HNF1A: variants seen among roughly 807,000 people sequenced by gnomAD.
HNF1A encodes the protein HNF1 homeobox A.
HNF1A carries 21 observed loss-of-function variants against 62.2 expected under a neutral mutation model. That is an observed-to-expected ratio of 0.34 (90% CI 0.24 to 0.49). The LOEUF is 0.49. Ranked by LOEUF, HNF1A falls within the 20% of genes least tolerant of loss-of-function variation. The probability of loss-of-function intolerance (pLI) is 0.99; values close to 1 mark genes in which losing one functional copy is unlikely to be tolerated. For missense variants in HNF1A, 687 were observed against 832.3 expected (o/e 0.83, Z 2.15); for synonymous variants, 374 against 366.8 (o/e 1.02, Z -0.22).
chr12:120,993,423 C>A (rs1593058046), intron 2 of HNF1A, 97 bp from the exon 3 acceptor site: 3 of 1,238,384 alleles, frequency 2.4e-6, no homozygotes, highest in Middle Eastern at 2.5e-4. Context: ...TGGTTCAGCG[C>A]CATGGCAATG....
At chr12:120,994,531 C>T (rs1286069283) in intron 4 of HNF1A, 126 bp downstream of exon 4, 2 of 1,037,322 alleles carry the variant, frequency 1.9e-6, no homozygotes, top group African/African-American at 3.2e-5. Context: ...CATGCCACTC[C>T]TTATCACTCT....
At position 120,996,589 on chromosome 12, in the gene HNF1A, C is replaced by T. The variant is rs1877114403; in HGVS notation, c.1156C>T (p.Leu386=). Residue 386 remains leucine, a synonymous_variant, in exon 6 of 10, where the codon CTG becomes TTG. Coordinates refer to ENST00000257555, the MANE Select transcript of HNF1A (RefSeq NM_000545.8). The surrounding 1 kb of genome is among the most constrained non-coding windows in gnomAD (Gnocchi z 4.5). The stretch of plus-strand genomic sequence containing the variant: ...CCCCCCTGTCAGCACCCTGACAGCA[C>T]TGCACAGCTTGGAGCAGACATCCCC... ...PLPPVSTLTA[L]HSLEQTSPGL... is the part of the protein sequence containing the mutation. 1.2e-6 allele frequency: 2 copies of T among 1,614,074 alleles called. No homozygotes were observed. The highest frequency in any genetic ancestry group is 2.2e-5 in the East Asian group (1 of 44,876).
rs1375433039 is a variant in HNF1A, at chr12:120,987,473, T to C, written c.327-1360T>C. On this transcript the variant is annotated intron_variant, in intron 1 of 9. Transcript: ENST00000257555. ...CTGGGTGACAGAGTGAGACTCCATC[T>C]CAAAAAAAAAAAAAAAAAAGAAAAA... Among the ~76,000 whole-genome samples, 29 of 92,842 alleles carry C rather than the reference T, an allele frequency of 3.1e-4. No homozygotes were observed. In the East Asian group the frequency reaches 7.7e-3, roughly 25 times the overall value. 60.9% of individuals were successfully genotyped at this position (92,842 alleles called of 152,430 possible).
chr12:120,994,450 GT>G, intron 4 of HNF1A, 45 bp downstream of exon 4: 1 of 1,561,768 alleles, frequency 6.4e-7, no homozygotes, highest in Non-Finnish European at 8.7e-7. Flanking sequence ...AGGTGGGAGG[GT>G]TGGGGAGGAC....
chr12:120,996,961 C>A lies in HNF1A; in HGVS notation c.1309+219C>A. On this transcript the variant is annotated intron_variant, in intron 6 of 9. Transcript: ENST00000257555. The surrounding 1 kb of genome is among the most constrained non-coding windows in gnomAD (Gnocchi z 4.5). ...CTCAAGCAGGGAGGCAGGCACTAAG[C>A]ATAATACATCAATTCTGTGGTACCT... 1 of 1,496,014 alleles carries A rather than the reference C, an allele frequency of 6.7e-7. No individual in the cohort carries two copies. Among genetic ancestry groups the A allele is most frequent in the Non-Finnish European group, 9.1e-7 (1 of 1,100,464 alleles). The allele number at this position is 1,496,014 out of a possible 1,614,324, so 92.7% of individuals were successfully genotyped here.
At chr12:120,990,671 T>TAGGAAAGGGAGGAAAGGGAGGAAAGGG (rs1288436741) in intron 2 of HNF1A, among the ~76,000 whole-genome samples, 2 of 99,116 alleles carry the variant, frequency 2.0e-5, no homozygotes, top group African/African-American at 9.2e-5. Flanking sequence ...GGAGGAAAGG[T>TAGGAAAGGGAGGAAAGGGAGGAAAGGG]AGGAAAGGGA....
chr12:120,988,948 CT>C lies in HNF1A; in HGVS notation c.443del (p.Leu148ProfsTer7). 1 of 1,614,246 alleles carries C rather than the reference CT, an allele frequency of 6.2e-7. No individual in the cohort carries two copies. The highest frequency in any genetic ancestry group is 1.3e-5 in the African/African-American group (1 of 75,074). On this transcript the variant is annotated frameshift_variant, in exon 2 of 10. Transcript: ENST00000257555. LOFTEE classifies it high-confidence loss of function. ...GLNQSHLSQH[L>X]NKGTPMKTQK... ...CAACCAGTCCCACCTGTCCCAACAC[CT>C]CAACAAGGGCACTCCCATGAAGACG...
At chr12:120,999,683 G>A (rs1381973558) in intron 9 of HNF1A, 56 bp downstream of exon 9, 44 of 1,570,950 alleles carry the variant, frequency 2.8e-5, no homozygotes, top group Non-Finnish European at 3.5e-5. Context: ...TTCCATGTTG[G>A]TCCCACCCCT....
chr12:120,982,376 A>C (rs1436693258), intron 1 of HNF1A, among the ~76,000 whole-genome samples: 1 of 152,078 alleles, frequency 6.6e-6, no homozygotes, highest in Admixed American at 6.6e-5. Context: ...CTCAGCCTTC[A>C]AACCCCAATC....
At chr12:120,992,086 G>T (rs946715624) in intron 2 of HNF1A, among the ~76,000 whole-genome samples, 2 of 152,178 alleles carry the variant, frequency 1.3e-5, no homozygotes, top group African/African-American at 4.8e-5. Flanking sequence ...AGTAACAGGG[G>T]ACAGAACCCC....
chr12:120,998,893 A>G (rs1440837327), intron 7 of HNF1A, among the ~76,000 whole-genome samples: 1 of 152,218 alleles, frequency 6.6e-6, no homozygotes, highest in Non-Finnish European at 1.5e-5. Flanking sequence ...TGTGCTTAGT[A>G]CATAGCGCCT....
In HNF1A at chr12:120,978,635, T is replaced by G. The variant is rs1593045957; in HGVS notation, c.-134T>G. ...GGGGGTGCCCACAGGGCTTGGCTAG[T>G]GGGGTTTTGGGGGGGCAGTGGGTGC... On this transcript the variant is annotated 5_prime_UTR_variant, in exon 1 of 10. Coordinates refer to ENST00000257555, the MANE Select transcript of HNF1A (RefSeq NM_000545.8). 15 of 815,844 alleles carry G rather than the reference T, an allele frequency of 1.8e-5. No homozygotes were observed. The highest frequency in any genetic ancestry group is 5.4e-5 in the African/African-American group (3 of 55,702). The allele number at this position is 815,844 out of a possible 1,614,324, so 50.5% of individuals were successfully genotyped here. A position where few individuals can be genotyped will look rare whatever the true frequency, so the allele number is the denominator to read the frequency against.
chr12:121,001,465 G>A lies in HNF1A; in HGVS notation c.*273G>A, dbSNP rs1425057069. The A allele has an allele frequency of 4.0e-6, 2 of 503,664 alleles. No homozygotes were observed. Among genetic ancestry groups the A allele is most frequent in the East Asian group, 3.4e-5 (1 of 29,044 alleles). The allele number at this position is 503,664 out of a possible 1,614,324, so 31.2% of individuals were successfully genotyped here. On this transcript the variant is annotated 3_prime_UTR_variant, in exon 10 of 10. Transcript: ENST00000257555. The stretch of plus-strand genomic sequence containing the variant: ...ATGTAGGAGGGACTGTCGCTGCTTC[G>A]TGGGATACAGTCTTCTTACTTGGAA...
At chr12:120,991,550 C>T (rs749192826) in intron 2 of HNF1A, among the ~76,000 whole-genome samples, 6 of 152,160 alleles carry the variant, frequency 3.9e-5, no homozygotes, top group Non-Finnish European at 8.8e-5. Context: ...GCCAAGATCA[C>T]GCCACTGCAC....
chr12:120,989,133 C>A, intron 2 of HNF1A, 101 bp downstream of exon 2: 1 of 1,127,916 alleles, frequency 8.9e-7, no homozygotes, highest in Non-Finnish European at 1.3e-6. Flanking sequence ...ATTACACAGA[C>A]AGGTAGATGG....
rs1593060677 is a variant in HNF1A, at chr12:120,996,394, T to C, written c.1088T>C (p.Leu363Pro). The C allele has an allele frequency of 6.2e-7, 1 of 1,614,188 alleles. No individual in the cohort carries two copies. The highest frequency in any genetic ancestry group is 8.5e-7 in the Non-Finnish European group (1 of 1,180,018). The change falls in exon 5 of 10, where the codon CTG becomes CCG. Residue 363 changes from leucine (L) to proline (P), a missense_variant. Physicochemically the swap from Leu to Pro is moderately conservative, Grantham distance 98. Transcript: ENST00000257555. The surrounding 1 kb of genome is among the most constrained non-coding windows in gnomAD (Gnocchi z 4.5). Reference protein sequence around the residue: ...PTGLEPSHSLLSTEAKLVSAA... With the variant: ...PTGLEPSHSLPSTEAKLVSAA... ...GGCCTGGAGCCCAGCCACAGCCTGC[T>C]GAGTACAGAAGCCAAGCTGGTGAGT...
At chr12:120,982,466 G>GT (rs369937778) in intron 1 of HNF1A, among the ~76,000 whole-genome samples, 2 of 151,630 alleles carry the variant, frequency 1.3e-5, no homozygotes, top group African/African-American at 4.9e-5. Flanking sequence ...CAGGAGGGGG[G>GT]GGGGACAGAG....
At chr12:120,984,701 G>A (rs950708946) in intron 1 of HNF1A, among the ~76,000 whole-genome samples, 1 of 151,912 alleles carries the variant, frequency 6.6e-6, no homozygotes, top group Non-Finnish European at 1.5e-5. Context: ...TAGGAGCCCC[G>A]GAAAGAAGGG....
Position 120,999,275 on chromosome 12 carries a change from C to T in HNF1A, c.1509C>T (p.Tyr503=), listed in dbSNP as rs2135850535. ...TCTCTCCCCTGCGGCCAGCCCTCTA[C>T]AGCCACAAGCCCGAGGTGGCCCAGT... ...MAQLQSPHAL[Y]SHKPEVAQYT... is the part of the protein sequence containing the mutation. The change falls in exon 8 of 10, where the codon TAC becomes TAT. Residue 503 remains tyrosine, a synonymous_variant. Transcript: ENST00000257555. The T allele has an allele frequency of 6.2e-7, 1 of 1,614,014 alleles. No homozygotes were observed. The highest frequency in any genetic ancestry group is 8.5e-7 in the Non-Finnish European group (1 of 1,180,016).
Sources: gnomAD v4.1 joint callset for allele counts (sites outside exome capture counted in the v4.1 genomes callset) on GRCh38, gnomAD v4.1.1 for gene constraint, Gnocchi (gnomAD v3.1) non-coding constraint, MANE v1.5 for transcripts, NCBI Gene and HGNC (gene_info 2026-07-23, HGNC 2026-07-21) for gene names.